Variants in COL1A2 observed in about 807,000 individuals in gnomAD.
The protein encoded by COL1A2 is collagen type I alpha 2 chain.
A neutral mutation model predicts 174.3 loss-of-function variants in COL1A2; 49 were observed. The ratio of observed to expected loss-of-function variants is 0.28; its 90% CI spans 0.22 to 0.36. COL1A2 has a LOEUF of 0.36. Ranked by LOEUF, COL1A2 falls within the 10% of genes least tolerant of loss-of-function variation. The pLI is 1.00. For synonymous variants in COL1A2, 655 were observed against 606.6 expected (o/e 1.08, Z -1.17); for missense variants, 1,438 against 1,822.7 (o/e 0.79, Z 3.84).
chr7:94,420,486 G>T, intron 36 of COL1A2, 42 bp downstream of exon 36: 1 of 1,614,160 alleles, frequency 6.2e-7, no homozygotes, highest in Non-Finnish European at 8.5e-7. Context: ...AACATCCTAA[G>T]TTGGGGAGTA....
At chr7:94,396,314 T>TTGTGTGTGTGTGTGTGTGTG (rs60833112) in intron 1 of COL1A2, among the ~76,000 whole-genome samples, 1 of 149,640 alleles carries the variant, frequency 6.7e-6, no homozygotes, top group Non-Finnish European at 1.5e-5. Flanking sequence ...ATTTGTGTGC[T>TTGTGTGTGTGTGTGTGTGTG]TGTGTGTGTG....
Position 94,430,400 on chromosome 7 carries a change from T to C in COL1A2, c.*7T>C. The C allele has an allele frequency of 6.2e-7, 1 of 1,612,820 alleles. No homozygotes were observed. Among genetic ancestry groups the C allele is most frequent in the Non-Finnish European group, 8.5e-7 (1 of 1,179,628 alleles). ...CCCAGTCTGTTTCAAATAAATGAAC[T>C]CAATCTAAATTAAAAAAGAAAGAAA... On this transcript the variant is annotated 3_prime_UTR_variant, in exon 52 of 52. Coordinates refer to ENST00000297268, the MANE Select transcript of COL1A2 (RefSeq NM_000089.4).
rs542393716 is a variant in COL1A2 at position 94,409,374 on chromosome 7, G to A, written c.845G>A (p.Arg282His). 2.2e-5 allele frequency: 35 copies of A among 1,614,178 alleles called. No homozygotes were observed. In the East Asian group the frequency reaches 4.2e-4, roughly 20 times the overall value. ...GGTCCTGCTGGTCCCGCCGGTCCCC[G>A]TGGTGAAGTGGGTCTTCCAGGCCTC... is the stretch of plus-strand genomic sequence containing the variant. Reference protein sequence around the residue: ...NAGPAGPAGPRGEVGLPGLSG... With the variant: ...NAGPAGPAGPHGEVGLPGLSG... The change falls in exon 17 of 52, where the codon CGT becomes CAT. Residue 282 changes from arginine to histidine, a missense_variant. Coordinates refer to ENST00000297268, the MANE Select transcript of COL1A2 (RefSeq NM_000089.4).
In COL1A2 at chr7:94,425,779, T is replaced by C; in HGVS notation, c.2865T>C (p.Gly955=). 1 of 1,613,382 alleles carries C rather than the reference T, an allele frequency of 6.2e-7. No homozygotes were observed. Among genetic ancestry groups the C allele is most frequent in the Non-Finnish European group, 8.5e-7 (1 of 1,179,730 alleles). ...KGERGYPGNI[G]PVGAAGAPGP... is the part of the protein sequence containing the mutation. The stretch of plus-strand genomic sequence containing the variant: ...AGCGCGGTTACCCTGGCAATATTGG[T>C]CCCGTTGGTGCTGCAGGTGCACCTG... The change falls in exon 44 of 52, where the codon GGT becomes GGC. Residue 955 remains glycine (G), a synonymous_variant. Transcript: ENST00000297268.
At chr7:94,422,616 G>A (rs986237440) in intron 39 of COL1A2, 21 of 203,606 alleles carry the variant, frequency 1.0e-4, no homozygotes, top group Admixed American at 8.6e-4. Flanking sequence ...AAAGTCCTTC[G>A]AAACTCAGAG....
chr7:94,408,468 A>T (rs920795348), intron 15 of COL1A2, 88 bp downstream of exon 15: 2 of 1,428,026 alleles, frequency 1.4e-6, no homozygotes, highest in African/African-American at 2.8e-5. Context: ...AAATAGCATC[A>T]TTTCAGACAC....
In COL1A2 at chr7:94,408,089, C is replaced by A. The variant is rs1251929787; in HGVS notation, c.640-94C>A. On this transcript the variant is annotated intron_variant, in intron 13 of 51. Transcript: ENST00000297268. ...GCAACTTATTTATTTTTAGTGTATT[C>A]TTGTACAGGTTGGAAACTGAACAAA... 3.2e-5 allele frequency: 44 copies of A among 1,374,038 alleles called. No individual in the cohort carries two copies. The South Asian group carries it at 5.2e-4, about 16-fold the overall frequency. The allele number at this position is 1,374,038 out of a possible 1,614,324, so 85.1% of individuals were successfully genotyped here. A position where few individuals can be genotyped will look rare whatever the true frequency, so the allele number is the denominator to read the frequency against.
chr7:94,399,630 T>C (rs918075241), intron 4 of COL1A2, among the ~76,000 whole-genome samples: 1 of 152,228 alleles, frequency 6.6e-6, no homozygotes, highest in South Asian at 2.1e-4. Flanking sequence ...CTATATCTTA[T>C]ATCTATTAGG....
chr7:94,412,526 G>A (rs1791949793), intron 24 of COL1A2, 58 bp from the exon 25 acceptor site: 6 of 1,332,814 alleles, frequency 4.5e-6, no homozygotes, highest in Non-Finnish European at 3.2e-6. Flanking sequence ...AGCATCATAA[G>A]CTTGAGGTTG....
In COL1A2 at chr7:94,428,398, TCC is replaced by T. The variant is rs1792331540; in HGVS notation, c.3634_3635del (p.Pro1212SerfsTer6). 1 of 1,613,954 alleles carries T rather than the reference TCC, an allele frequency of 6.2e-7. No homozygotes were observed. Among genetic ancestry groups the T allele is most frequent in the Non-Finnish European group, 8.5e-7 (1 of 1,179,994 alleles). ...TGTATCCGGGCCCAACCTGAAAACA[TCC>T]CAGCCAAGAACTGGTATAGGAGCTC... On this transcript the variant is annotated frameshift_variant, in exon 50 of 52. Transcript: ENST00000297268. LOFTEE classifies it high-confidence loss of function.
Position 94,425,850 on chromosome 7 carries a change from G to C in COL1A2, c.2936G>C (p.Gly979Ala). ...CCTGCTGGCAAACATGGAAACCGTG[G>C]TGAAACTGTAAGTTTGTGAATACCA... ...VGPAGKHGNRGETGPSGPVGP... is the reference protein window; with the variant it reads ...VGPAGKHGNRAETGPSGPVGP... Residue 979 changes from glycine (G) to alanine (A), a missense_variant, in exon 44 of 52, where the codon GGT (glycine) becomes GCT (alanine). By Grantham distance (60) the Gly-to-Ala change is moderately conservative (BLOSUM62 0). Around this residue, in one of 3 missense-constraint regions of COL1A2, gnomAD observed 867 missense variants for 1,213.7 expected, o/e 0.71. Coordinates refer to ENST00000297268, the MANE Select transcript of COL1A2 (RefSeq NM_000089.4). 1 of 1,610,160 alleles carries C rather than the reference G, an allele frequency of 6.2e-7. No individual in the cohort carries two copies. The highest frequency in any genetic ancestry group is 8.5e-7 in the Non-Finnish European group (1 of 1,178,112).
rs770180852 is a variant in COL1A2, at chr7:94,404,697, C to T, written c.329C>T (p.Pro110Leu). 16 of 1,613,982 alleles carry T rather than the reference C, an allele frequency of 9.9e-6. No individual in the cohort carries two copies. The highest frequency in any genetic ancestry group is 9.3e-6 in the Non-Finnish European group (11 of 1,180,002). ...GACATTCTTTTTTTCTTTTAGGGCC[C>T]TCAAGGTTTCCAAGGACCTGCTGGT... is the stretch of plus-strand genomic sequence containing the variant. ...GPPGAAGAPG[P>L]QGFQGPAGEP... is the part of the protein sequence containing the mutation. The change falls in exon 8 of 52, where the codon CCT (proline) becomes CTT (leucine). Residue 110 changes from proline (P) to leucine (L), a missense_variant. Physicochemically the swap from Pro to Leu is moderately conservative, Grantham distance 98 (BLOSUM62 -3). Around this residue, in one of 3 missense-constraint regions of COL1A2, gnomAD observed 281 missense variants for 310.9 expected, o/e 0.90. Coordinates refer to ENST00000297268, the MANE Select transcript of COL1A2 (RefSeq NM_000089.4).
rs1002844097 is a variant in COL1A2 at position 94,395,115 on chromosome 7, G to A, written c.70+14G>A. The A allele has an allele frequency of 1.2e-6, 2 of 1,612,804 alleles. No individual in the cohort carries two copies. Among genetic ancestry groups the A allele is most frequent in the Admixed American group, 3.3e-5 (2 of 60,016 alleles). On this transcript the variant is annotated intron_variant, in intron 1 of 51. Coordinates refer to ENST00000297268, the MANE Select transcript of COL1A2 (RefSeq NM_000089.4). ...CAACATGCCAATGTAAGTGCCTTCAGCTTGTTTGGGGGAGACTGGGTAGAG... is the reference window on the plus strand; with the variant it reads ...CAACATGCCAATGTAAGTGCCTTCAACTTGTTTGGGGGAGACTGGGTAGAG...
At chr7:94,421,087 C>A (rs1382770459) in intron 38 of COL1A2, 25 bp downstream of exon 38, 8 of 1,613,030 alleles carry the variant, frequency 5.0e-6, no homozygotes, top group Non-Finnish European at 6.8e-6. Flanking sequence ...TGGACTCTCG[C>A]CGCTTTTCTT....
chr7:94,397,653 T>A (rs1562896857), intron 1 of COL1A2, 95 bp from the exon 2 acceptor site: 3 of 716,286 alleles, frequency 4.2e-6, no homozygotes, highest in African/African-American at 1.8e-5. Flanking sequence ...GTAATTCAAT[T>A]CTATAAACTT....
chr7:94,409,184 C>T (rs1791864694), intron 16 of COL1A2, 138 bp from the exon 17 acceptor site: 1 of 893,896 alleles, frequency 1.1e-6, no homozygotes, highest in African/African-American at 1.6e-5. Context: ...AAACTCAAAT[C>T]TTGTAATAAA....
rs182860929 is a variant in COL1A2 at position 94,405,107 on chromosome 7, A to G, written c.433-92A>G. On this transcript the variant is annotated intron_variant, in intron 9 of 51. Coordinates refer to ENST00000297268, the MANE Select transcript of COL1A2 (RefSeq NM_000089.4). ...ATCTGGATCCATATTTTTATGTGAT[A>G]ACTTTCTCCCCTTTTGTAAAAACCA... 7 of 1,325,142 alleles carry G rather than the reference A, an allele frequency of 5.3e-6. No homozygotes were observed. The Admixed American group carries it at 9.0e-5, about 17-fold the overall frequency. 82.1% of individuals were successfully genotyped at this position (1,325,142 alleles called of 1,614,324 possible).
chr7:94,395,364 G>A, intron 1 of COL1A2: 2 of 525,986 alleles, frequency 3.8e-6, no homozygotes, highest in South Asian at 3.6e-5. Context: ...CCTCAGCTTA[G>A]TAACCCCCAA....
chr7:94,415,160 T>C, intron 29 of COL1A2, 66 bp from the exon 30 acceptor site: 1 of 1,480,162 alleles, frequency 6.8e-7, no homozygotes, highest in South Asian at 1.1e-5. Flanking sequence ...TTTTCAAATA[T>C]TTTAATCATA....
Sources: allele counts gnomAD v4.1 joint callset (sites outside exome capture counted in the v4.1 genomes callset), GRCh38; gene constraint gnomAD v4.1.1; regional missense constraint gnomAD v4.1.1; transcripts MANE v1.5; gene names NCBI Gene and HGNC (gene_info 2026-07-23, HGNC 2026-07-21).